Variants in HMOX2 observed in about 807,000 individuals in gnomAD.
HMOX2 encodes the protein heme oxygenase 2, also known as heme oxygenase (decycling) 2.
Under a neutral mutation model 33.7 loss-of-function variants are expected in HMOX2, and 30 were observed. The observed-to-expected ratio is 0.89, with a 90% CI of 0.67 to 1.21. The LOEUF is 1.21. Ranked by LOEUF, HMOX2 falls within the 50% of genes most tolerant of loss-of-function variation. The probability of loss-of-function intolerance (pLI) is 0.00; values close to 1 mark genes in which losing one functional copy is unlikely to be tolerated. For synonymous variants in HMOX2, 155 were observed against 155.0 expected (o/e 1.00, Z 0.00); for missense variants, 403 against 399.1 (o/e 1.01, Z -0.08).
chr16:4,505,760 G>A (rs1182406513), intron 2 of HMOX2, 150 bp downstream of exon 2: 5 of 565,234 alleles, frequency 8.8e-6, no homozygotes, highest in South Asian at 2.6e-5. Context: ...TGCAGGGACC[G>A]CATACAGCTT....
At chr16:4,493,417 C>T (rs1163125916) in intron 1 of HMOX2, among the ~76,000 whole-genome samples, 5 of 152,214 alleles carry the variant, frequency 3.3e-5, no homozygotes, top group Non-Finnish European at 4.4e-5. Context: ...TATGATGTCA[C>T]AGTTTTATAA....
At chr16:4,477,497 T>TA (rs35695989) in intron 1 of HMOX2, among the ~76,000 whole-genome samples, 749 of 72,664 alleles carry the variant, frequency 0.01, 25 homozygotes, top group South Asian at 0.026. Context: ...AGACTCCATC[T>TA]AAAAAAAAAA....
intron 1 of HMOX2, among the ~76,000 whole-genome samples, chr16:4,501,914 C>T (rs867324224): frequency 6.6e-5 from 10 of 152,304 alleles, no homozygotes; most frequent in Middle Eastern, 3.4e-3. Context: ...CCTCCTCTGC[C>T]CCCAGCCCCC....
At position 4,509,736 on chromosome 16, in the gene HMOX2, T is replaced by C. The variant is rs2058791971; in HGVS notation, c.931T>C (p.Leu311=). ...TGGTGTGGCCCTAGCTGCTGGACTC[T>C]TGGCCTGGTACTACATGTGAAGCAC... ...AAGVALAAGL[L]AWYYM Residue 311 remains leucine (L), a synonymous_variant, in exon 6 of 6, where the codon TTG becomes CTG. Transcript: ENST00000570646. 1 of 1,613,460 alleles carries C rather than the reference T, an allele frequency of 6.2e-7. No individual in the cohort carries two copies. The highest frequency in any genetic ancestry group is 8.5e-7 in the Non-Finnish European group (1 of 1,179,918).
chr16:4,498,134 G>A (rs887614394), intron 1 of HMOX2, among the ~76,000 whole-genome samples: 7 of 142,838 alleles, frequency 4.9e-5, no homozygotes, highest in African/African-American at 1.0e-4. Flanking sequence ...TGGCACTGTC[G>A]GCTCACTGCA....
intron 1 of HMOX2, among the ~76,000 whole-genome samples, chr16:4,504,488 G>A (rs1295038128): frequency 1.3e-5 from 2 of 149,254 alleles, no homozygotes; most frequent in Non-Finnish European, 3.0e-5. Context: ...AGCCTCCTGA[G>A]TAGCTGGGAT....
chr16:4,479,759 G>A (rs1319440000), intron 1 of HMOX2, among the ~76,000 whole-genome samples: 2 of 43,128 alleles, frequency 4.6e-5, no homozygotes, highest in African/African-American at 1.7e-4. Flanking sequence ...TTTTTTTTTT[G>A]AGACAGTCTT....
At chr16:4,499,302 T>G (rs915138431) in intron 1 of HMOX2, among the ~76,000 whole-genome samples, 4 of 152,250 alleles carry the variant, frequency 2.6e-5, no homozygotes, top group African/African-American at 4.8e-5. Flanking sequence ...CTGGTATTTA[T>G]GCACGATGGA....
upstream of HMOX2, chr16:4,475,033 C>G (rs2057776893): frequency 6.6e-6 from 1 of 152,066 alleles, no homozygotes; most frequent in African/African-American, 2.4e-5. Flanking sequence ...CTTACTGCAA[C>G]CTCCGCCCCC....
intron 1 of HMOX2, chr16:4,481,692 G>T (rs1290568002): frequency 6.6e-6 from 1 of 152,186 alleles, no homozygotes; most frequent in Non-Finnish European, 1.5e-5. Flanking sequence ...TGCAGAGCAA[G>T]ATCTTATCTT....
upstream of HMOX2, chr16:4,476,309 G>C (rs1362625): frequency 0.12 from 17,634 of 152,348 alleles, 2,133 homozygotes; most frequent in African/African-American, 0.3. Context: ...TCCCGCCCCC[G>C]GCAAGGGCGT....
At position 4,509,491 on chromosome 16, in the gene HMOX2, AAGG is replaced by A. The variant is rs766876103; in HGVS notation, c.779_781del (p.Gly260del). ...GATGGGTTCCCTGTACACGATGGGA[AAGG>A]AGACATGCGTAAATGCCCTTTCTAC... On this transcript the variant is annotated inframe_deletion, in exon 5 of 6. Transcript: ENST00000570646. 6.2e-7 allele frequency: 1 copy of A among 1,614,200 alleles called. No homozygotes were observed. The highest frequency in any genetic ancestry group is 1.1e-5 in the South Asian group (1 of 91,086).
At chr16:4,480,254 G>C (rs1402400600) in intron 1 of HMOX2, among the ~76,000 whole-genome samples, 1 of 151,444 alleles carries the variant, frequency 6.6e-6, no homozygotes, top group Admixed American at 6.6e-5. Flanking sequence ...CGCCATGTTG[G>C]CCACGCTGGT....
At chr16:4,487,021 A>G (rs1367961851) in intron 1 of HMOX2, among the ~76,000 whole-genome samples, 2 of 152,144 alleles carry the variant, frequency 1.3e-5, no homozygotes, top group Non-Finnish European at 2.9e-5. Context: ...GTACTTTGGG[A>G]GGCCAAAGAA....
intron 1 of HMOX2, among the ~76,000 whole-genome samples, chr16:4,499,879 A>T (rs2058515204): frequency 6.6e-6 from 1 of 152,220 alleles, no homozygotes; most frequent in African/African-American, 2.4e-5. Flanking sequence ...CATGGGACCC[A>T]ATTAAAAATT....
chr16:4,494,792 T>C (rs1025573792), intron 1 of HMOX2, among the ~76,000 whole-genome samples: 3 of 151,774 alleles, frequency 2.0e-5, no homozygotes, highest in Non-Finnish European at 4.4e-5. Flanking sequence ...AGCAGGAGGA[T>C]CACTTGAGCC....
chr16:4,481,475 C>T (rs544263195), intron 1 of HMOX2, among the ~76,000 whole-genome samples: 3 of 151,990 alleles, frequency 2.0e-5, no homozygotes, highest in Admixed American at 2.0e-4. Flanking sequence ...ATGCGAAACA[C>T]CTGTCATTGA....
At chr16:4,480,037 C>CTTTTTTA (rs527848423) in intron 1 of HMOX2, among the ~76,000 whole-genome samples, 5 of 149,310 alleles carry the variant, frequency 3.3e-5, no homozygotes, top group South Asian at 2.1e-4. Context: ...CTGCGCCCGG[C>CTTTTTTA]TTTTTTATTT....
At chr16:4,479,342 T>C (rs370398445) in intron 1 of HMOX2, 2 of 152,160 alleles carry the variant, frequency 1.3e-5, no homozygotes, top group African/African-American at 4.8e-5. Context: ...GGATTATGAC[T>C]AGGAATCTGT....
Sources: gnomAD v4.1 joint callset for allele counts (sites outside exome capture counted in the v4.1 genomes callset) on GRCh38, gnomAD v4.1.1 for gene constraint, MANE v1.5 for transcripts, NCBI Gene and HGNC (gene_info 2026-07-23, HGNC 2026-07-21) for gene names.